The following GRID2 variants were observed in gnomAD, a reference collection of about 807,000 sequenced individuals.
GRID2 encodes the protein glutamate ionotropic receptor delta type subunit 2, also known as glutamate receptor ionotropic, delta-2.
GRID2 carries 33 observed loss-of-function variants against 114.8 expected under a neutral mutation model. That is an observed-to-expected ratio of 0.29 (90% CI 0.22 to 0.38). The LOEUF (loss-of-function observed/expected upper bound fraction) is 0.38. Ranked by LOEUF, GRID2 falls within the 10% of genes least tolerant of loss-of-function variation. The pLI, the probability that GRID2 is intolerant of heterozygous loss-of-function variation, is 1.00. For missense variants in GRID2, 1,184 were observed against 1,257.7 expected (o/e 0.94, Z 0.89); for synonymous variants, 505 against 449.9 (o/e 1.12, Z -1.55).
At chr4:93,150,042 A>G (rs993259717) in intron 4 of GRID2, among the ~76,000 whole-genome samples, 2 of 152,172 alleles carry the variant, frequency 1.3e-5, no homozygotes, top group Non-Finnish European at 2.9e-5. Flanking sequence ...GCAAACTATG[A>G]TTACAAGTAA....
At chr4:93,003,441 T>C (rs762107761) in intron 2 of GRID2, among the ~76,000 whole-genome samples, 3 of 152,000 alleles carry the variant, frequency 2.0e-5, no homozygotes, top group Non-Finnish European at 4.4e-5. Flanking sequence ...CCTACATCTA[T>C]CTAAATTGAG....
At position 93,514,110 on chromosome 4, in the gene GRID2, C is replaced by T. The variant is rs147432123; in HGVS notation, c.1998-1106C>T. On this transcript the variant is annotated intron_variant, in intron 12 of 15. Coordinates refer to ENST00000282020, the MANE Select transcript of GRID2 (RefSeq NM_001510.4). ...TAACTGTGCCAGTATCTGATTTTAACAGTATGTCAAAGGCACAGTATTTGT... is the reference window on the plus strand; with the variant it reads ...TAACTGTGCCAGTATCTGATTTTAATAGTATGTCAAAGGCACAGTATTTGT... Among the ~76,000 whole-genome samples the T allele has an allele frequency of 2.0e-3, 307 of 152,226 alleles. 2 individuals carry two copies. Among genetic ancestry groups the T allele is most frequent in the African/African-American group, 7.1e-3 (296 of 41,526 alleles).
intron 2 of GRID2, among the ~76,000 whole-genome samples, chr4:92,941,615 T>C (rs915251282): frequency 1.3e-5 from 2 of 152,180 alleles, no homozygotes; most frequent in African/African-American, 4.8e-5. Flanking sequence ...TGCTAGCTTT[T>C]GAATGTGTTT....
chr4:93,250,217 C>A (rs1561043268), intron 8 of GRID2, among the ~76,000 whole-genome samples: 1 of 152,050 alleles, frequency 6.6e-6, no homozygotes. Context: ...AAGCTGGAAA[C>A]CATCATTCTA....
chr4:93,777,797 G>C (rs1734395766), downstream of GRID2, among the ~76,000 whole-genome samples: 3 of 152,128 alleles, frequency 2.0e-5, no homozygotes, highest in Non-Finnish European at 4.4e-5. Flanking sequence ...GACAAACATT[G>C]CTTTTAATAA....
intron 2 of GRID2, among the ~76,000 whole-genome samples, chr4:92,654,752 T>TAAA (rs147225565): frequency 6.6e-6 from 1 of 151,474 alleles, no homozygotes; most frequent in South Asian, 2.1e-4. Flanking sequence ...AATGGAATTT[T>TAAA]AAAAAAAAAT....
At chr4:92,436,533 G>T (rs1401784658) in intron 1 of GRID2, among the ~76,000 whole-genome samples, 3 of 151,638 alleles carry the variant, frequency 2.0e-5, no homozygotes, top group Admixed American at 2.0e-4. Flanking sequence ...TTACATTTTT[G>T]AATTTGTTTA....
chr4:92,752,230 T>G (rs868305625), intron 2 of GRID2, among the ~76,000 whole-genome samples: 12 of 152,210 alleles, frequency 7.9e-5, no homozygotes, highest in Admixed American at 5.2e-4. Flanking sequence ...TCAAGCCTTA[T>G]AGCTTTCCAA....
intron 2 of GRID2, among the ~76,000 whole-genome samples, chr4:92,973,546 G>A (rs1185926627): frequency 6.6e-6 from 1 of 152,074 alleles, no homozygotes; most frequent in Admixed American, 6.6e-5. Context: ...TTCATAAAGG[G>A]GAAGCAATTA....
At chr4:92,998,182 T>G (rs986268848) in intron 2 of GRID2, among the ~76,000 whole-genome samples, 1 of 152,080 alleles carries the variant, frequency 6.6e-6, no homozygotes, top group Non-Finnish European at 1.5e-5. Flanking sequence ...ATTGAAATCA[T>G]TTCTTAATTT....
chr4:92,873,241 T>C (rs1233167344), intron 2 of GRID2, among the ~76,000 whole-genome samples: 1 of 152,144 alleles, frequency 6.6e-6, no homozygotes, highest in African/African-American at 2.4e-5. Context: ...TCAATTCTAT[T>C]ATGTAGTATA....
chr4:93,658,982 T>A (rs1303792276), intron 14 of GRID2, among the ~76,000 whole-genome samples: 1 of 152,050 alleles, frequency 6.6e-6, no homozygotes, highest in African/African-American at 2.4e-5. Context: ...TCCAGGGCCC[T>A]GGAGCAAGCA....
intron 2 of GRID2, among the ~76,000 whole-genome samples, chr4:93,006,855 T>A (rs1467927093): frequency 6.6e-6 from 1 of 150,410 alleles, no homozygotes; most frequent in African/African-American, 2.4e-5. Flanking sequence ...ACAGCAAAAA[T>A]TTTCAACTGA....
chr4:93,714,355 G>C (rs1249729418), intron 14 of GRID2, among the ~76,000 whole-genome samples: 1 of 152,082 alleles, frequency 6.6e-6, no homozygotes, highest in South Asian at 2.1e-4. Flanking sequence ...GGACATTTAG[G>C]TTGACTCCAT....
chr4:93,520,495 G>C (rs1040742625), intron 13 of GRID2, among the ~76,000 whole-genome samples: 80 of 152,118 alleles, frequency 5.3e-4, no homozygotes, highest in African/African-American at 1.8e-3. Context: ...AAGTGCTCCA[G>C]GCAGAGGGAA....
intron 1 of GRID2, among the ~76,000 whole-genome samples, chr4:92,501,932 A>G (rs1008749130): frequency 7.9e-5 from 12 of 152,196 alleles, no homozygotes; most frequent in Non-Finnish European, 1.8e-4. Context: ...ATAGGCATAG[A>G]ATATTTTCAT....
chr4:92,500,294 A>T (rs528584905), intron 1 of GRID2, among the ~76,000 whole-genome samples: 104 of 152,016 alleles, frequency 6.8e-4, no homozygotes, highest in African/African-American at 2.4e-3. Context: ...CTTCGTTTTG[A>T]GATATTTCCT....
chr4:93,589,934 T>G (rs1432231569), intron 13 of GRID2, among the ~76,000 whole-genome samples: 2 of 151,026 alleles, frequency 1.3e-5, no homozygotes, highest in South Asian at 4.2e-4. Flanking sequence ...TTTGAGTTCA[T>G]TGTAGATTCT....
intron 2 of GRID2, among the ~76,000 whole-genome samples, chr4:92,861,278 T>C (rs1424230858): frequency 1.3e-5 from 2 of 152,094 alleles, no homozygotes; most frequent in Admixed American, 6.5e-5. Context: ...GATGGTAATA[T>C]TATGTCAGGC....
Sources: allele counts gnomAD v4.1 joint callset (sites outside exome capture counted in the v4.1 genomes callset), GRCh38; gene constraint gnomAD v4.1.1; transcripts MANE v1.5; gene names NCBI Gene and HGNC (gene_info 2026-07-23, HGNC 2026-07-21).